CTHRC1: variants seen among roughly 807,000 people sequenced by gnomAD.
CTHRC1 encodes collagen triple helix repeat containing 1.
CTHRC1 carries 21 observed loss-of-function variants against 25.9 expected under a neutral mutation model. That is an observed-to-expected ratio of 0.81 (90% CI 0.57 to 1.17). CTHRC1 has a LOEUF of 1.17. Ranked by LOEUF, CTHRC1 falls within the 50% of genes most tolerant of loss-of-function variation. CTHRC1 has a pLI of 0.00. For missense variants in CTHRC1, 281 were observed against 304.3 expected (o/e 0.92, Z 0.57); for synonymous variants, 109 against 113.1 (o/e 0.96, Z 0.23).
At position 103,374,436 on chromosome 8, in the gene CTHRC1, T is replaced by C. The variant is rs144859336; in HGVS notation, c.151-1302T>C. On this transcript the variant is annotated intron_variant, in intron 1 of 3. Transcript: ENST00000330295. ...AGAGTAAACATTTAAATGGATTGCA[T>C]TGGGTTTTGGAGTGTCTAATAAACG... Among the ~76,000 whole-genome samples, 574 of 152,296 alleles carry C rather than the reference T, an allele frequency of 3.8e-3. 5 individuals are homozygous for C. The highest frequency in any genetic ancestry group is 0.013 in the African/African-American group (554 of 41,558).
At chr8:103,372,296 A>T in intron 1 of CTHRC1, 1 of 600,408 alleles carries the variant, frequency 1.7e-6, no homozygotes, top group Non-Finnish European at 2.6e-6. Flanking sequence ...CCTGCGAGAG[A>T]GAATAACAAC....
Position 103,371,647 on chromosome 8 carries a change from G to GCCGGGAGCCATGCGACC in CTHRC1, c.-7_10dup. On this transcript the variant is annotated 5_prime_UTR_variant, in exon 1 of 4. In the 5' UTR this introduces an upstream ATG that the reference lacks. Transcript: ENST00000330295. ...GCCTCCAGCTCCGCGCTGCCCGGCAGCCGGGAGCCATGCGACCCCAGGGCC... is the reference window on the plus strand; with the variant it reads ...GCCTCCAGCTCCGCGCTGCCCGGCAGCCGGGAGCCATGCGACCCCGGGAGCCATGCGACCCCAGGGCC... 6.5e-7 allele frequency: 1 copy of GCCGGGAGCCATGCGACC among 1,531,982 alleles called. No individual in the cohort carries two copies. 94.9% of individuals were successfully genotyped at this position (1,531,982 alleles called of 1,614,324 possible).
intron 3 of CTHRC1, among the ~76,000 whole-genome samples, chr8:103,381,482 G>C (rs1815909322): frequency 1.7e-5 from 1 of 59,318 alleles, no homozygotes. Flanking sequence ...TAATTTAAGA[G>C]AAGACTTTGG....
intron 3 of CTHRC1, among the ~76,000 whole-genome samples, 161 bp downstream of exon 3, chr8:103,378,404 G>A (rs1030345041): frequency 1.3e-5 from 2 of 152,106 alleles, no homozygotes; most frequent in Non-Finnish European, 1.5e-5. Context: ...ATTACCTCTC[G>A]ATCTTTTAAA....
Position 103,382,499 on chromosome 8 carries a change from G to T in CTHRC1, c.631G>T (p.Val211Phe). ...CEGIGAGLVD[V>F]AIWVGTCSDY... ...AGGAATTGGTGCTGGATTAGTGGAT[G>T]TTGCTATCTGGGTTGGTACTTGTTC... The change falls in exon 4 of 4, where the codon GTT becomes TTT. Residue 211 changes from valine (V) to phenylalanine (F), a missense_variant. Physicochemically the swap from Val to Phe is conservative, Grantham distance 50. Transcript: ENST00000330295. The T allele has an allele frequency of 6.2e-7, 1 of 1,613,720 alleles. No homozygotes were observed. The highest frequency in any genetic ancestry group is 8.5e-7 in the Non-Finnish European group (1 of 1,179,726).
intron 1 of CTHRC1, among the ~76,000 whole-genome samples, chr8:103,373,130 A>C (rs932742893): frequency 1.3e-5 from 2 of 152,188 alleles, no homozygotes; most frequent in African/African-American, 4.8e-5. Context: ...TGTAGTTATG[A>C]TACACAAAAT....
intron 2 of CTHRC1, among the ~76,000 whole-genome samples, chr8:103,376,373 G>T (rs1815808584): frequency 6.6e-6 from 1 of 152,164 alleles, no homozygotes; most frequent in Admixed American, 6.5e-5. Flanking sequence ...GAAGTCCATT[G>T]GTGTTTGTCT....
chr8:103,374,853 G>A (rs969897402), intron 1 of CTHRC1, among the ~76,000 whole-genome samples: 3 of 152,232 alleles, frequency 2.0e-5, no homozygotes, highest in African/African-American at 7.2e-5. Context: ...GCACCAAAAT[G>A]TTGAGTAATT....
chr8:103,375,318 G>A (rs1161078417), intron 1 of CTHRC1, among the ~76,000 whole-genome samples: 2 of 152,088 alleles, frequency 1.3e-5, no homozygotes, highest in African/African-American at 4.8e-5. Context: ...AAAAAAAGTA[G>A]AAATAAACTA....
intron 2 of CTHRC1, among the ~76,000 whole-genome samples, chr8:103,376,896 ATG>A (rs1228688832): frequency 3.3e-5 from 5 of 152,152 alleles, no homozygotes; most frequent in South Asian, 2.1e-4. Flanking sequence ...TTCTGTGTTC[ATG>A]TGTGTTTCTA....
At chr8:103,380,453 T>C (rs766057282) in intron 3 of CTHRC1, among the ~76,000 whole-genome samples, 14 of 152,148 alleles carry the variant, frequency 9.2e-5, no homozygotes, top group Non-Finnish European at 8.8e-5. Flanking sequence ...TAGTCTCTCT[T>C]AAGGGAAAGG....
rs1275648002 is a variant in CTHRC1 at position 103,375,800 on chromosome 8, C to T, written c.213C>T (p.Ala71=). The T allele has an allele frequency of 6.2e-7, 1 of 1,614,028 alleles. No homozygotes were observed. Among genetic ancestry groups the T allele is most frequent in the East Asian group, 2.2e-5 (1 of 44,860 alleles). The change falls in exon 2 of 4, where the codon GCC becomes GCT. Residue 71 remains alanine (A), a synonymous_variant. Coordinates refer to ENST00000330295, the MANE Select transcript of CTHRC1 (RefSeq NM_138455.4). ...GVPGRDGSPG[A]NGIPGTPGIP... is the part of the protein sequence containing the mutation. ...CTGGTCGAGACGGGAGCCCTGGGGCCAATGGCATTCCGGGTACACCTGGGA... is the reference window on the plus strand; with the variant it reads ...CTGGTCGAGACGGGAGCCCTGGGGCTAATGGCATTCCGGGTACACCTGGGA...
Position 103,371,721 on chromosome 8 carries a change from T to C in CTHRC1, c.65T>C (p.Leu22Pro), listed in dbSNP as rs1378165019. 1.3e-6 allele frequency: 2 copies of C among 1,536,388 alleles called. No individual in the cohort carries two copies. The highest frequency in any genetic ancestry group is 1.8e-6 in the Non-Finnish European group (2 of 1,142,204). ...RLRGLLLLLL[L>P]QLPAPSSASE... ...CGCGGCCTCCTGCTGCTCCTGCTGC[T>C]GCAGCTGCCCGCGCCGTCGAGCGCC... is the stretch of plus-strand genomic sequence containing the variant. Residue 22 changes from leucine (L) to proline (P), a missense_variant, in exon 1 of 4, where the codon CTG (leucine) becomes CCG (proline). Transcript: ENST00000330295.
chr8:103,381,794 C>A (rs1394138500), intron 3 of CTHRC1, among the ~76,000 whole-genome samples: 8 of 151,968 alleles, frequency 5.3e-5, no homozygotes, highest in Admixed American at 5.2e-4. Flanking sequence ...GTCAGGAGAT[C>A]GAGACCATCC....
intron 2 of CTHRC1, 119 bp downstream of exon 2, chr8:103,376,078 A>C: frequency 1.3e-6 from 1 of 757,986 alleles, no homozygotes; most frequent in Non-Finnish European, 2.2e-6. Context: ...AGAAGTAGGT[A>C]GCATGTGACT....
At chr8:103,382,377 C>T in intron 3 of CTHRC1, 81 bp from the exon 4 acceptor site, 1 of 1,429,680 alleles carries the variant, frequency 7.0e-7, no homozygotes, top group South Asian at 1.2e-5. Context: ...TACAAACTAG[C>T]TTTCTGAAGT....
At chr8:103,372,844 T>A (rs562478749) in intron 1 of CTHRC1, among the ~76,000 whole-genome samples, 1 of 152,310 alleles carries the variant, frequency 6.6e-6, no homozygotes, top group South Asian at 2.1e-4. Context: ...TTGGGGCATT[T>A]TTTTTTAATT....
At chr8:103,372,485 A>T in intron 1 of CTHRC1, 3 of 1,594,832 alleles carry the variant, frequency 1.9e-6, no homozygotes, top group Middle Eastern at 1.8e-4. Flanking sequence ...TAACCCTCTA[A>T]GGACCTGTTT....
intron 1 of CTHRC1, chr8:103,372,725 TG>T: frequency 7.3e-7 from 1 of 1,366,956 alleles, no homozygotes. Context: ...AGAGGTTCTC[TG>T]GCCTGTGGTA....
Sources: allele counts gnomAD v4.1 joint callset (sites outside exome capture counted in the v4.1 genomes callset), GRCh38; gene constraint gnomAD v4.1.1; transcripts MANE v1.5; gene names NCBI Gene and HGNC (gene_info 2026-07-23, HGNC 2026-07-21).